GALNT13: variants seen among roughly 807,000 people sequenced by gnomAD.
The protein encoded by GALNT13 is polypeptide N-acetylgalactosaminyltransferase 13, also known as UDP-GalNAc:polypeptide N-acetylgalactosaminyltransferase 13.
In GALNT13, 28 loss-of-function variants were observed where a neutral mutation model predicts 64.2. The ratio of observed to expected loss-of-function variants is 0.44; its 90% confidence interval spans 0.32 to 0.60. The LOEUF is 0.60. GALNT13 is among the 20% of genes least tolerant of loss of function. The probability of loss-of-function intolerance (pLI) is 0.05; values close to 1 mark genes in which losing one functional copy is unlikely to be tolerated. For missense variants in GALNT13, 577 were observed against 669.8 expected, an observed-to-expected ratio of 0.86 and a Z score of 1.53; for synonymous variants, 214 against 224.6, an observed-to-expected ratio of 0.95 and a Z score of 0.42.
chr2:154,053,475 T>TTC (rs1277724968), intron 3 of GALNT13, among the ~76,000 whole-genome samples: 1 of 152,138 alleles, frequency 6.6e-6, no homozygotes, highest in African/African-American at 2.4e-5. Flanking sequence ...CCTAAAACTT[T>TTC]TCTGGCCTGG....
chr2:153,198,925 T>C, the GALNT13 span, among the ~76,000 whole-genome samples: 1 of 152,306 alleles, frequency 6.6e-6, no homozygotes, highest in South Asian at 2.1e-4. Flanking sequence ...AGGGGGCATT[T>C]GTCAAAATTT....
At chr2:153,936,034 AC>A (rs1312272110) in intron 2 of GALNT13, among the ~76,000 whole-genome samples, 1 of 152,074 alleles carries the variant, frequency 6.6e-6, no homozygotes, top group African/African-American at 2.4e-5. Flanking sequence ...GACTCATTAT[AC>A]CTCCCATGTT....
rs866994134 is a variant in GALNT13, at chr2:153,967,915, C to T, written c.142+23276C>T. On this transcript the variant is annotated intron_variant, in intron 3 of 12. Transcript: ENST00000392825. ...AGCAAAGGTCGGGAATTAGGCACTT[C>T]AGAAATCTTCCTGATAATTTACTTT... is the stretch of plus-strand genomic sequence containing the variant. Among the ~76,000 whole-genome samples, 8 of 152,168 alleles carry T rather than the reference C, an allele frequency of 5.3e-5. 1 individual carries two copies. The highest frequency in any genetic ancestry group is 3.4e-3 in the Middle Eastern group (1 of 294).
At chr2:154,437,583 A>G (rs2105466904) in intron 11 of GALNT13, 1 of 1,275,730 alleles carries the variant, frequency 7.8e-7, no homozygotes, top group Non-Finnish European at 1.0e-6. Flanking sequence ...GAGGCTGGGC[A>G]TGGCGGCTCA....
At chr2:153,393,851 T>A in the GALNT13 span, among the ~76,000 whole-genome samples, 1 of 151,874 alleles carries the variant, frequency 6.6e-6, no homozygotes, top group Admixed American at 6.6e-5. Flanking sequence ...TGGGTCTCCA[T>A]CCTGCTAGCC....
chr2:154,143,102 G>T (rs1359447695), intron 4 of GALNT13, among the ~76,000 whole-genome samples: 1 of 152,140 alleles, frequency 6.6e-6, no homozygotes, highest in Non-Finnish European at 1.5e-5. Flanking sequence ...GTGGATTGGG[G>T]GTTGGGGGTG....
chr2:153,767,063 T>C, the GALNT13 span, among the ~76,000 whole-genome samples: 1 of 152,278 alleles, frequency 6.6e-6, no homozygotes, highest in East Asian at 1.9e-4. Context: ...ATATTGAACA[T>C]TGTACCCAAA....
the GALNT13 span, among the ~76,000 whole-genome samples, chr2:153,371,436 CA>C: frequency 1.3e-5 from 2 of 152,106 alleles, no homozygotes; most frequent in Admixed American, 6.5e-5. Flanking sequence ...AAAAAATGTA[CA>C]AAAAAGTTTA....
chr2:154,350,360 G>T lies in GALNT13; in HGVS notation c.1157-45631G>T, dbSNP rs540815673. Among the ~76,000 whole-genome samples the T allele has an allele frequency of 2.0e-5, 3 of 152,302 alleles. No homozygotes were observed. The East Asian group carries it at 5.8e-4, about 29-fold the overall frequency. On this transcript the variant is annotated intron_variant, in intron 9 of 12. Transcript: ENST00000392825. ...AGAACGTGGAAGGACTAGACTGGCT[G>T]ACTCTTCTGGCCTTCATCTTTCTCC...
chr2:154,050,600 G>A (rs1377183119), intron 3 of GALNT13, among the ~76,000 whole-genome samples: 1 of 151,968 alleles, frequency 6.6e-6, no homozygotes, highest in African/African-American at 2.4e-5. Context: ...CTGAAAAACA[G>A]CAGCCAACTC....
At chr2:153,127,626 T>A in the GALNT13 span, among the ~76,000 whole-genome samples, 1 of 152,210 alleles carries the variant, frequency 6.6e-6, no homozygotes, top group African/African-American at 2.4e-5. Flanking sequence ...TCAATTTTTA[T>A]CATCTTCTAG....
the GALNT13 span, among the ~76,000 whole-genome samples, chr2:153,834,931 A>T: frequency 6.6e-6 from 1 of 152,136 alleles, no homozygotes; most frequent in African/African-American, 2.4e-5. Context: ...TAAATATTTG[A>T]ACAACCATGA....
chr2:153,650,703 A>G, the GALNT13 span, among the ~76,000 whole-genome samples: 1 of 152,210 alleles, frequency 6.6e-6, no homozygotes, highest in East Asian at 1.9e-4. Context: ...AAAGTATTTT[A>G]TTTCTCCTTC....
the GALNT13 span, among the ~76,000 whole-genome samples, chr2:153,351,334 C>T: frequency 1.3e-5 from 2 of 152,128 alleles, no homozygotes; most frequent in Non-Finnish European, 2.9e-5. Flanking sequence ...TTTATGTCCT[C>T]AGCAAAATTG....
chr2:154,000,953 G>A (rs1695864082), intron 3 of GALNT13, among the ~76,000 whole-genome samples: 1 of 151,902 alleles, frequency 6.6e-6, no homozygotes, highest in South Asian at 2.1e-4. Flanking sequence ...TGTATTTGCT[G>A]TATATATTTG....
the GALNT13 span, among the ~76,000 whole-genome samples, chr2:153,812,697 C>T: frequency 6.6e-6 from 1 of 152,114 alleles, no homozygotes; most frequent in Non-Finnish European, 1.5e-5. Flanking sequence ...TTAATATTTT[C>T]CCCTCTTTCC....
intron 2 of GALNT13, among the ~76,000 whole-genome samples, chr2:153,921,906 A>G (rs1689784834): frequency 6.6e-6 from 1 of 152,166 alleles, no homozygotes; most frequent in African/African-American, 2.4e-5. Context: ...AATAAGATGA[A>G]TAAAAAAAGG....
In GALNT13 at chr2:154,430,902, G is replaced by A. The variant is rs78835284; in HGVS notation, c.1396-7690G>A. Among the ~76,000 whole-genome samples the A allele has an allele frequency of 5.2e-3, 789 of 152,126 alleles. 7 individuals are homozygous for A. The highest frequency in any genetic ancestry group is 0.018 in the African/African-American group (755 of 41,518). ...TAGGATAATTGTTAGCATTTTTAAC[G>A]ATAAAATATTTTTAATTAAGGAATA... On this transcript the variant is annotated intron_variant, in intron 11 of 12. Transcript: ENST00000392825.
At chr2:154,261,969 A>C (rs2105906237) in intron 8 of GALNT13, among the ~76,000 whole-genome samples, 1 of 152,300 alleles carries the variant, frequency 6.6e-6, no homozygotes, top group South Asian at 2.1e-4. Context: ...TTTAAGCCAA[A>C]CCAAAGGAAT....
Sources: allele counts gnomAD v4.1 joint callset (sites outside exome capture counted in the v4.1 genomes callset), GRCh38; gene constraint gnomAD v4.1.1; transcripts MANE v1.5; gene names NCBI Gene and HGNC (gene_info 2026-07-23, HGNC 2026-07-21).